IL4I1: variants seen among roughly 807,000 people sequenced by gnomAD.
IL4I1 encodes interleukin 4 induced 1.
In IL4I1, 24 loss-of-function variants were observed where a neutral mutation model predicts 29.7. The observed-to-expected ratio is 0.81, with a 90% CI of 0.59 to 1.14. The LOEUF (loss-of-function observed/expected upper bound fraction) is 1.14. Among genes scored for constraint, IL4I1 ranks in the 50% most tolerant of loss-of-function variants. The pLI is 0.00. For missense variants in IL4I1, 686 were observed against 785.6 expected (o/e 0.87, Z 1.52); for synonymous variants, 371 against 352.5 (o/e 1.05, Z -0.59).
chr19:49,907,295 A>G, intron 2 of IL4I1: 1 of 298,696 alleles, frequency 3.3e-6, no homozygotes, highest in Non-Finnish European at 6.5e-6. Context: ...GGCTTCCTGG[A>G]GGAGGTGAGG....
At position 49,891,054 on chromosome 19, in the gene IL4I1, TC is replaced by T; in HGVS notation, c.689del (p.Gly230GlufsTer3). 1.2e-6 allele frequency: 2 copies of T among 1,612,940 alleles called. No individual in the cohort carries two copies. Among genetic ancestry groups the T allele is most frequent in the Non-Finnish European group, 1.7e-6 (2 of 1,179,814 alleles). ...NLSRPAVQLL[G>X]DVMSEDGFFY... ...AGAAGCCATCCTCGGACATCACGTCTCCCAGAAGCTGCACGGCCGGCCGGCT... is the reference window on the plus strand; with the variant it reads ...AGAAGCCATCCTCGGACATCACGTCTCCAGAAGCTGCACGGCCGGCCGGCT... On this transcript the variant is annotated frameshift_variant, in exon 7 of 8. Transcript: ENST00000391826. LOFTEE classifies it high-confidence loss of function.
rs1477965074 is a variant in IL4I1 at position 49,890,040 on chromosome 19, G to A, written c.1334C>T (p.Ala445Val). 1.3e-6 allele frequency: 2 copies of A among 1,551,290 alleles called. No individual in the cohort carries two copies. Among genetic ancestry groups the A allele is most frequent in the South Asian group, 1.2e-5 (1 of 84,378 alleles). Reference sequence around the variant, plus strand: ...GCCACCCTGGCTGTGCTGGTCCTCCGCCCAACGCTTGACGACGCCGGTGCC... The same window carrying A: ...GCCACCCTGGCTGTGCTGGTCCTCCACCCAACGCTTGACGACGCCGGTGCC... ...WDGTGVVKRWAEDQHSQGGFV... is the reference protein window; with the variant it reads ...WDGTGVVKRWVEDQHSQGGFV... Residue 445 changes from alanine to valine, a missense_variant, in exon 8 of 8, where the codon GCG becomes GTG. By Grantham distance (64) the Ala-to-Val change is moderately conservative. Transcript: ENST00000391826.
In IL4I1 at chr19:49,889,810, A is replaced by G; in HGVS notation, c.1564T>C (p.Ser522Pro). 2 of 1,549,542 alleles carry G rather than the reference A, an allele frequency of 1.3e-6. No individual in the cohort carries two copies. Among genetic ancestry groups the G allele is most frequent in the South Asian group, 1.2e-5 (1 of 82,148 alleles). Residue 522 changes from serine to proline, a missense_variant, in exon 8 of 8, where the codon TCT (serine) becomes CCT (proline). Transcript: ENST00000391826. ...ACATGCCCCTGCCCCTCCATGTCAG[A>G]TGCGTGCCCCTCGGGGCTGGCCGTG... Reference protein sequence around the residue: ...SDTASPEGHASDMEGQGHVHG... With the variant: ...SDTASPEGHAPDMEGQGHVHG...
At chr19:49,896,930 C>G (rs2122535691), upstream of IL4I1, 1 of 967,092 alleles carries the variant, frequency 1.0e-6, no homozygotes, top group South Asian at 4.8e-5. Context: ...CTGGCAGAGC[C>G]CCGCCCACCC....
In IL4I1 at chr19:49,925,590, G is replaced by A. The variant is rs778964760; in HGVS notation, c.-228+2104C>T. 1.3e-4 allele frequency among the ~76,000 whole-genome samples: 20 copies of A among 152,186 alleles called. 1 individual carries two copies. Among genetic ancestry groups the A allele is most frequent in the African/African-American group, 2.4e-5 (1 of 41,450 alleles). ...AAACTGTCAAGGTCATGAAGGACAA[G>A]GAAAGTCTAAAACCAGTCACAGGCC... On this transcript the variant is annotated intron_variant, in intron 2 of 9. Transcript: ENST00000341114.
chr19:49,917,776 A>T (rs1407390697), intron 2 of IL4I1: 1 of 152,278 alleles, frequency 6.6e-6, no homozygotes. Flanking sequence ...CGCGCCTGTA[A>T]TCCCAGTACT....
intron 5 of IL4I1, among the ~76,000 whole-genome samples, chr19:49,893,638 G>A (rs1273948115): frequency 6.6e-6 from 1 of 152,042 alleles, no homozygotes; most frequent in African/African-American, 2.4e-5. Flanking sequence ...GGTGAAAGGG[G>A]AAGAGGCCAA....
Position 49,889,749 on chromosome 19 carries a change from G to C in IL4I1, c.1625C>G (p.Ala542Gly), listed in dbSNP as rs562832181. 14 of 1,519,230 alleles carry C rather than the reference G, an allele frequency of 9.2e-6. No homozygotes were observed. Among genetic ancestry groups the C allele is most frequent in the Non-Finnish European group, 1.2e-5 (14 of 1,133,924 alleles). The allele number at this position is 1,519,230 out of a possible 1,614,324, so 94.1% of individuals were successfully genotyped here. Reference protein sequence around the residue: ...GVASSPSHDLAKEEGSHPPVQ... With the variant: ...GVASSPSHDLGKEEGSHPPVQ... ...TGGAGGGTGGCTGCCTTCTTCCTTTGCCAGGTCATGCGAGGGGCTGCTGGC... is the reference window on the plus strand; with the variant it reads ...TGGAGGGTGGCTGCCTTCTTCCTTTCCCAGGTCATGCGAGGGGCTGCTGGC... The change falls in exon 8 of 8, where the codon GCA becomes GGA. Residue 542 changes from alanine to glycine, a missense_variant. Coordinates refer to ENST00000391826, the MANE Select transcript of IL4I1 (RefSeq NM_152899.2).
At chr19:49,927,104 G>A (rs983831427) in intron 2 of IL4I1, among the ~76,000 whole-genome samples, 5 of 152,022 alleles carry the variant, frequency 3.3e-5, no homozygotes, top group Admixed American at 1.3e-4. Flanking sequence ...CAAGCAATCT[G>A]CCCACCTCAG....
chr19:49,908,803 G>C, intron 2 of IL4I1: 4 of 1,613,588 alleles, frequency 2.5e-6, no homozygotes, highest in Non-Finnish European at 3.4e-6. Flanking sequence ...TGTTGATCAG[G>C]CTCTCCAGCT....
chr19:49,890,143 T>C lies in IL4I1; in HGVS notation c.1231A>G (p.Ser411Gly). 6.5e-7 allele frequency: 1 copy of C among 1,541,804 alleles called. No individual in the cohort carries two copies. The highest frequency in any genetic ancestry group is 8.7e-7 in the Non-Finnish European group (1 of 1,143,770). The change falls in exon 8 of 8, where the codon AGC becomes GGC. Residue 411 changes from serine (S) to glycine (G), a missense_variant. Transcript: ENST00000391826. ...SDAAAAFAGL[S>G]REEALRLALD... ...GCCAAGCGCAACGCCTCTTCCCGGC[T>C]CAAGCCGGCGAACGCTGCCGCCGCG...
chr19:49,916,710 G>A (rs1021850224), intron 2 of IL4I1, among the ~76,000 whole-genome samples: 1 of 151,266 alleles, frequency 6.6e-6, no homozygotes, highest in Admixed American at 6.6e-5. Context: ...CTTGCAGTAA[G>A]CCGAGATCAC....
chr19:49,895,115 C>T lies in IL4I1; in HGVS notation c.318G>A (p.Thr106=), dbSNP rs780466149. The change falls in exon 4 of 8, where the codon ACG becomes ACA. Residue 106 remains threonine, a synonymous_variant. Transcript: ENST00000391826. ...TGGCTCCCAGCTCCCCAATCCAGCC[C>T]GTGTTCTGGTCCCGGTAGGTGAAGA... ...GRIFTYRDQN[T]GWIGELGAMR... is the part of the protein sequence containing the mutation. The T allele has an allele frequency of 5.6e-6, 9 of 1,613,826 alleles. No individual in the cohort carries two copies. The South Asian group carries it at 6.6e-5, about 12-fold the overall frequency.
At chr19:49,920,783 G>C (rs568503675) in intron 2 of IL4I1, among the ~76,000 whole-genome samples, 1 of 152,368 alleles carries the variant, frequency 6.6e-6, no homozygotes, top group African/African-American at 2.4e-5. Context: ...CCTGGAGAGG[G>C]ACTGAGGCAT....
chr19:49,901,029 A>C (rs2075266803), upstream of IL4I1, among the ~76,000 whole-genome samples: 1 of 152,152 alleles, frequency 6.6e-6, no homozygotes, highest in African/African-American at 2.4e-5. Flanking sequence ...CCCCTGCCTT[A>C]CGTATATACG....
intron 2 of IL4I1, among the ~76,000 whole-genome samples, chr19:49,923,749 G>A (rs1040331296): frequency 5.3e-5 from 8 of 152,238 alleles, no homozygotes; most frequent in Non-Finnish European, 1.0e-4. Flanking sequence ...TTTTACGGAG[G>A]GGAAACTGAG....
chr19:49,917,498 T>C (rs948303589), intron 2 of IL4I1: 4 of 152,184 alleles, frequency 2.6e-5, no homozygotes, highest in East Asian at 1.9e-4. Context: ...AAGTGGACCT[T>C]AGCCAAGGCA....
At chr19:49,908,831 G>C in intron 2 of IL4I1, 1 of 1,612,978 alleles carries the variant, frequency 6.2e-7, no homozygotes, top group Non-Finnish European at 8.5e-7. Context: ...GGTCATGGCG[G>C]AGCTGGCAGC....
In IL4I1 at chr19:49,914,069, C is replaced by A. The variant is rs113397490; in HGVS notation, c.-227-9748G>T. On this transcript the variant is annotated intron_variant, in intron 2 of 9. Coordinates refer to the IL4I1 transcript ENST00000341114. ...GTCTGTCCAGGTTAACAGTGACAGG[C>A]CAGGCATGATGGCTCACACCTGTAA... is the stretch of plus-strand genomic sequence containing the variant. Among the ~76,000 whole-genome samples, 745 of 152,200 alleles carry A rather than the reference C, an allele frequency of 4.9e-3. 2 individuals carry two copies. The highest frequency in any genetic ancestry group is 7.7e-3 in the Non-Finnish European group (524 of 68,012).
Sources: allele counts gnomAD v4.1 joint callset (sites outside exome capture counted in the v4.1 genomes callset), GRCh38; gene constraint gnomAD v4.1.1; transcripts MANE v1.5; gene names NCBI Gene and HGNC (gene_info 2026-07-23, HGNC 2026-07-21).